CDH13: variants seen among roughly 807,000 people sequenced by gnomAD.
CDH13 encodes the protein cadherin-13.
In CDH13, 24 loss-of-function variants were observed where a neutral mutation model predicts 63.8. That is an observed-to-expected ratio of 0.38 (90% CI 0.27 to 0.53). The LOEUF (loss-of-function observed/expected upper bound fraction) is 0.53. CDH13 is among the 20% of genes least tolerant of loss of function. The pLI is 0.85. For synonymous variants in CDH13, 503 were observed against 355.3 expected (o/e 1.42, Z -4.67); for missense variants, 1,049 against 903.1 (o/e 1.16, Z -2.07).
chr16:83,152,790 T>C (rs1286440770), intron 4 of CDH13, among the ~76,000 whole-genome samples: 1 of 152,054 alleles, frequency 6.6e-6, no homozygotes, highest in Non-Finnish European at 1.5e-5. Context: ...GGAAATAGGG[T>C]TGTGGCAGAT....
chr16:83,768,289 T>G (rs1369724029), intron 11 of CDH13, among the ~76,000 whole-genome samples: 1 of 152,168 alleles, frequency 6.6e-6, no homozygotes, highest in African/African-American at 2.4e-5. Flanking sequence ...ATCTCAGTGT[T>G]TTTTAGCTAA....
intron 8 of CDH13, among the ~76,000 whole-genome samples, chr16:83,669,614 G>C (rs1043042819): frequency 6.6e-6 from 1 of 152,146 alleles, no homozygotes; most frequent in Non-Finnish European, 1.5e-5. Context: ...GGTTTGCCGA[G>C]GCGCAATAAA....
At chr16:82,678,635 T>A (rs1341805307) in intron 1 of CDH13, among the ~76,000 whole-genome samples, 1 of 152,196 alleles carries the variant, frequency 6.6e-6, no homozygotes, top group African/African-American at 2.4e-5. Context: ...AATATTTGGA[T>A]CTTTCCTTGA....
At chr16:83,542,755 TG>T (rs1440432690) in intron 7 of CDH13, among the ~76,000 whole-genome samples, 1 of 152,230 alleles carries the variant, frequency 6.6e-6, no homozygotes, top group Non-Finnish European at 1.5e-5. Flanking sequence ...TCTCCGTGTG[TG>T]TCTTCACATT....
At chr16:82,660,355 C>T (rs372678026) in intron 1 of CDH13, among the ~76,000 whole-genome samples, 1 of 152,126 alleles carries the variant, frequency 6.6e-6, no homozygotes, top group African/African-American at 2.4e-5. Context: ...TAAAATATGT[C>T]ATATGTAAAT....
intron 7 of CDH13, among the ~76,000 whole-genome samples, chr16:83,517,562 CT>C (rs1363484884): frequency 5.9e-5 from 4 of 68,158 alleles, no homozygotes; most frequent in Non-Finnish European, 1.4e-4. Context: ...ATCCCTTTGG[CT>C]AGAACTAGTC....
chr16:83,780,540 C>A (rs1915445736), intron 12 of CDH13, among the ~76,000 whole-genome samples: 1 of 152,132 alleles, frequency 6.6e-6, no homozygotes, highest in African/African-American at 2.4e-5. Flanking sequence ...ATTTAGGGGG[C>A]ACAACTGCAG....
chr16:82,803,955 C>T (rs531986692), intron 1 of CDH13, among the ~76,000 whole-genome samples: 4 of 152,204 alleles, frequency 2.6e-5, no homozygotes, highest in South Asian at 2.1e-4. Context: ...AGAGGCTGGG[C>T]GCCATGGCTG....
intron 4 of CDH13, among the ~76,000 whole-genome samples, chr16:83,140,060 G>T (rs1266863715): frequency 6.6e-6 from 1 of 152,154 alleles, no homozygotes; most frequent in African/African-American, 2.4e-5. Flanking sequence ...AGACATCCGA[G>T]GGTTTTACCT....
chr16:83,784,156 A>G (rs964050442), intron 13 of CDH13, among the ~76,000 whole-genome samples: 7 of 152,208 alleles, frequency 4.6e-5, no homozygotes, highest in Admixed American at 1.3e-4. Flanking sequence ...GGGCCTTGCA[A>G]TTTACCTTTT....
chr16:82,822,184 A>G (rs2038035141), intron 1 of CDH13, among the ~76,000 whole-genome samples: 2 of 152,338 alleles, frequency 1.3e-5, no homozygotes, highest in Non-Finnish European at 2.9e-5. Flanking sequence ...ATACAGCAAT[A>G]TATGCAATAT....
In CDH13 at chr16:83,293,390, C is replaced by T. The variant is rs560380201; in HGVS notation, c.637-51472C>T. On this transcript the variant is annotated intron_variant, in intron 5 of 13. Coordinates refer to ENST00000567109, the MANE Select transcript of CDH13 (RefSeq NM_001257.5). Reference sequence around the variant, plus strand: ...GATACAACACATAGAGAAAAAGGTACATGAGGCAGCCTTGCCACCGGAAGA... The same window carrying T: ...GATACAACACATAGAGAAAAAGGTATATGAGGCAGCCTTGCCACCGGAAGA... Among the ~76,000 whole-genome samples, 9 of 152,256 alleles carry T rather than the reference C, an allele frequency of 5.9e-5. 1 individual carries two copies. The highest frequency in any genetic ancestry group is 1.2e-4 in the African/African-American group (5 of 41,554).
At chr16:82,866,828 A>G (rs2040166021) in intron 2 of CDH13, among the ~76,000 whole-genome samples, 1 of 152,142 alleles carries the variant, frequency 6.6e-6, no homozygotes, top group Non-Finnish European at 1.5e-5. Context: ...TAAAACCATC[A>G]GTTCTCGTGA....
chr16:83,018,207 T>C (rs1386192280), intron 2 of CDH13, among the ~76,000 whole-genome samples: 1 of 152,074 alleles, frequency 6.6e-6, no homozygotes, highest in African/African-American at 2.4e-5. Context: ...GGTTGAAATA[T>C]CGGATTATGG....
intron 6 of CDH13, among the ~76,000 whole-genome samples, chr16:83,409,586 C>G (rs1478699137): frequency 6.6e-6 from 1 of 152,218 alleles, no homozygotes; most frequent in Non-Finnish European, 1.5e-5. Context: ...CAATATTGAT[C>G]TGTTGAGTAA....
At chr16:82,737,318 A>C (rs2033723242) in intron 1 of CDH13, among the ~76,000 whole-genome samples, 1 of 152,238 alleles carries the variant, frequency 6.6e-6, no homozygotes, top group Admixed American at 6.5e-5. Flanking sequence ...TGCTGCTCTC[A>C]GATGGACCCA....
intron 2 of CDH13, among the ~76,000 whole-genome samples, chr16:82,878,427 A>G (rs959887315): frequency 2.0e-5 from 3 of 151,424 alleles, no homozygotes; most frequent in African/African-American, 4.8e-5. Context: ...GGAGACGTCA[A>G]CTGGGAAAAT....
rs1040346782 is a variant in CDH13, at chr16:83,125,321, C to T, written c.367-64C>T. 187 of 877,988 alleles carry T rather than the reference C, an allele frequency of 2.1e-4. 2 individuals carry two copies. In the East Asian group the frequency reaches 2.8e-3, roughly 13 times the overall value. The allele number at this position is 877,988 out of a possible 1,614,324, so 54.4% of individuals were successfully genotyped here. A position where few individuals can be genotyped will look rare whatever the true frequency, so the allele number is the denominator to read the frequency against. On this transcript the variant is annotated intron_variant, in intron 3 of 13. Transcript: ENST00000567109. Reference sequence around the variant, plus strand: ...CTTTCCCAACAAAGGAACTCTATCTCGGAGCAGACTGATACATCATTTCAA... The same window carrying T: ...CTTTCCCAACAAAGGAACTCTATCTTGGAGCAGACTGATACATCATTTCAA...
intron 5 of CDH13, among the ~76,000 whole-genome samples, chr16:83,280,553 T>G (rs764531123): frequency 4.6e-5 from 7 of 152,216 alleles, no homozygotes; most frequent in Non-Finnish European, 1.0e-4. Flanking sequence ...CCTGTTAATG[T>G]TGATATTTTG....
Sources: gnomAD v4.1 joint callset for allele counts (sites outside exome capture counted in the v4.1 genomes callset) on GRCh38, gnomAD v4.1.1 for gene constraint, MANE v1.5 for transcripts, NCBI Gene and HGNC (gene_info 2026-07-23, HGNC 2026-07-21) for gene names.